The following ERBB4 variants were observed in gnomAD, a reference collection of about 807,000 sequenced individuals.
ERBB4 encodes the protein receptor tyrosine-protein kinase erbB-4.
ERBB4 carries 42 observed loss-of-function variants against 158.0 expected under a neutral mutation model. The ratio of observed to expected loss-of-function variants is 0.27; its 90% CI spans 0.21 to 0.34. The LOEUF (loss-of-function observed/expected upper bound fraction) is 0.34. Ranked by LOEUF, ERBB4 falls within the 10% of genes least tolerant of loss-of-function variation. The pLI, the probability that ERBB4 is intolerant of heterozygous loss-of-function variation, is 1.00. For missense variants in ERBB4, 1,333 were observed against 1,624.1 expected, an observed-to-expected ratio of 0.82 and a Z score of 3.08; for synonymous variants, 583 against 558.7, an observed-to-expected ratio of 1.04 and a Z score of -0.61.
chr2:211,560,603 C>T (rs2067364787), intron 20 of ERBB4, among the ~76,000 whole-genome samples: 1 of 151,922 alleles, frequency 6.6e-6, no homozygotes, highest in African/African-American at 2.4e-5. Flanking sequence ...CATTTATAGT[C>T]CTAGAATGAT....
At chr2:212,264,123 A>T (rs1383478326) in intron 1 of ERBB4, among the ~76,000 whole-genome samples, 2 of 152,256 alleles carry the variant, frequency 1.3e-5, no homozygotes, top group Admixed American at 1.3e-4. Context: ...CTCCACAGAA[A>T]GGGGCTAAGT....
Position 212,056,602 on chromosome 2 carries a change from G to A in ERBB4, c.234+68150C>T, listed in dbSNP as rs868568116. Among the ~76,000 whole-genome samples, 5 of 152,230 alleles carry A rather than the reference G, an allele frequency of 3.3e-5. No homozygotes were observed. The South Asian group carries it at 1.0e-3, about 32-fold the overall frequency. The stretch of plus-strand genomic sequence containing the variant: ...CTCTTGGCAGAAACTCTACAAGACA[G>A]AAGAGAGTGGAGACCAATATTCAAC... On this transcript the variant is annotated intron_variant, in intron 2 of 27. Transcript: ENST00000342788.
intron 16 of ERBB4, among the ~76,000 whole-genome samples, chr2:211,642,057 C>CT (rs2070615355): frequency 6.6e-6 from 1 of 151,934 alleles, no homozygotes; most frequent in African/African-American, 2.4e-5. Context: ...AAATGCAATT[C>CT]TTCCACTTGA....
intron 19 of ERBB4, among the ~76,000 whole-genome samples, chr2:211,613,753 C>T (rs1489585839): frequency 6.6e-6 from 1 of 151,834 alleles, no homozygotes; most frequent in Admixed American, 6.6e-5. Context: ...ATACTTACAT[C>T]CAAGACAGGC....
In ERBB4 at chr2:211,632,058, A is replaced by G. The variant is rs565904658; in HGVS notation, c.1947-1464T>C. ...GTCTTTTAGAGATTATGACTGCTAT[A>G]TTGTCATATAAAACTGCAGAAAAAT... On this transcript the variant is annotated intron_variant, in intron 16 of 27. Transcript: ENST00000342788. Among the ~76,000 whole-genome samples, 80 of 152,166 alleles carry G rather than the reference A, an allele frequency of 5.3e-4. No individual in the cohort carries two copies. The South Asian group carries it at 0.016, about 31-fold the overall frequency.
intron 1 of ERBB4, among the ~76,000 whole-genome samples, chr2:212,478,635 T>A (rs892953111): frequency 5.3e-5 from 8 of 152,036 alleles, no homozygotes; most frequent in African/African-American, 1.7e-4. Flanking sequence ...AGGTCCCTGA[T>A]GCCAGGAAGC....
chr2:211,974,104 G>A lies in ERBB4; in HGVS notation c.235-26488C>T, dbSNP rs191215293. Among the ~76,000 whole-genome samples, 339 of 152,188 alleles carry A rather than the reference G, an allele frequency of 2.2e-3. 6 individuals carry two copies. The highest frequency in any genetic ancestry group is 8.8e-4 in the Non-Finnish European group (60 of 68,004). On this transcript the variant is annotated intron_variant, in intron 2 of 27. Transcript: ENST00000342788. ...AGAGGGTGGACGGTGGGAGGAGGGA[G>A]AGAATCAGGAAAAACAACCAGTGAG...
intron 1 of ERBB4, among the ~76,000 whole-genome samples, chr2:212,471,427 T>C (rs1689112589): frequency 1.3e-5 from 2 of 151,810 alleles, no homozygotes; most frequent in South Asian, 4.1e-4. Flanking sequence ...AATTAAGAAA[T>C]TGTCCAAAAT....
chr2:212,034,678 G>T (rs1324969104), intron 2 of ERBB4, among the ~76,000 whole-genome samples: 1 of 152,040 alleles, frequency 6.6e-6, no homozygotes, highest in Admixed American at 6.6e-5. Flanking sequence ...GGGGGAAACA[G>T]CTTTAGTTTA....
At position 212,538,467 on chromosome 2, in the gene ERBB4, G is replaced by A. The variant is rs930144500; in HGVS notation, c.64C>T (p.Pro22Ser). The A allele has an allele frequency of 1.9e-6, 3 of 1,613,850 alleles. No homozygotes were observed. Among genetic ancestry groups the A allele is most frequent in the Admixed American group, 3.3e-5 (2 of 59,996 alleles). Residue 22 changes from proline to serine, a missense_variant, in exon 1 of 28, where the codon CCC becomes TCC. Pro to Ser is a moderately conservative substitution (Grantham distance 74). Transcript: ENST00000342788. ...SLLVAAGTVQPSDSQSVCAGT... is the reference protein window; with the variant it reads ...SLLVAAGTVQSSDSQSVCAGT... ...AACCCACCTGACTGAGAATCGCTGG[G>A]CTGGACGGTCCCCGCCGCCACGAGA...
At chr2:212,003,340 A>G (rs2076184099) in intron 2 of ERBB4, among the ~76,000 whole-genome samples, 1 of 147,064 alleles carries the variant, frequency 6.8e-6, no homozygotes, top group East Asian at 1.9e-4. Flanking sequence ...AAAAAAATGC[A>G]GCTGAAAAGC....
intron 3 of ERBB4, among the ~76,000 whole-genome samples, chr2:211,897,808 A>G (rs565735475): frequency 6.6e-6 from 1 of 152,160 alleles, no homozygotes; most frequent in Admixed American, 6.6e-5. Flanking sequence ...CAGTGGCATA[A>G]TCATAGCTGA....
chr2:211,968,144 C>G (rs2081354008), intron 2 of ERBB4, among the ~76,000 whole-genome samples: 1 of 151,936 alleles, frequency 6.6e-6, no homozygotes, highest in South Asian at 2.1e-4. Context: ...TTGGGCTTTT[C>G]CCTTCAAACT....
chr2:211,554,356 G>A (rs569155214), intron 20 of ERBB4, among the ~76,000 whole-genome samples: 8 of 152,312 alleles, frequency 5.3e-5, no homozygotes, highest in South Asian at 2.1e-4. Context: ...CACAATGTAC[G>A]TAAAGCACCA....
chr2:212,173,861 C>T (rs1575747162), intron 1 of ERBB4, among the ~76,000 whole-genome samples: 2 of 152,084 alleles, frequency 1.3e-5, no homozygotes, highest in South Asian at 2.1e-4. Flanking sequence ...AAAAGGACTA[C>T]AAAGTATTGA....
rs557802847 is a variant in ERBB4 at position 211,429,348 on chromosome 2, A to AAGTT, written c.2644-869_2644-866dup. On this transcript the variant is annotated intron_variant, in intron 21 of 27. Transcript: ENST00000342788. ...AAAACGCCTAAAATCATGAATTCCAAAGTTAGCCTTGCTTTGTTTTCCAGC... is the reference window on the plus strand; with the variant it reads ...AAAACGCCTAAAATCATGAATTCCAAAGTTAGTTAGCCTTGCTTTGTTTTCCAGC... Among the ~76,000 whole-genome samples the AAGTT allele has an allele frequency of 5.8e-4, 89 of 152,158 alleles. 1 individual carries two copies. The highest frequency in any genetic ancestry group is 2.0e-3 in the African/African-American group (84 of 41,524).
intron 1 of ERBB4, among the ~76,000 whole-genome samples, chr2:212,296,937 C>G (rs568239951): frequency 1.3e-4 from 20 of 152,038 alleles, no homozygotes; most frequent in Admixed American, 3.3e-4. Context: ...TTGGACTGGT[C>G]AGCCTGAAGG....
At chr2:211,922,318 ATT>A (rs1487713436) in intron 3 of ERBB4, among the ~76,000 whole-genome samples, 2 of 152,146 alleles carry the variant, frequency 1.3e-5, no homozygotes, top group East Asian at 3.8e-4. Context: ...ATTATTTTGT[ATT>A]TTCATGTATG....
intron 12 of ERBB4, among the ~76,000 whole-genome samples, chr2:211,685,166 A>T (rs1458418617): frequency 1.3e-5 from 2 of 152,016 alleles, no homozygotes; most frequent in Non-Finnish European, 2.9e-5. Flanking sequence ...TTTTTTATGG[A>T]TTGTTCTTTG....
Sources: allele counts gnomAD v4.1 joint callset (sites outside exome capture counted in the v4.1 genomes callset), GRCh38; gene constraint gnomAD v4.1.1; transcripts MANE v1.5; gene names NCBI Gene and HGNC (gene_info 2026-07-23, HGNC 2026-07-21).